ADGRV1: variants seen among roughly 807,000 people sequenced by gnomAD.
The protein encoded by ADGRV1 is adhesion G protein-coupled receptor V1, also known as G-protein coupled receptor 98.
ADGRV1 carries 359 observed loss-of-function variants against 596.2 expected under a neutral mutation model. The ratio of observed to expected loss-of-function variants is 0.60; its 90% CI spans 0.55 to 0.66. ADGRV1 has a LOEUF of 0.66. Ranked by LOEUF, ADGRV1 falls within the 30% of genes least tolerant of loss-of-function variation. ADGRV1 has a pLI of 0.00. For missense variants in ADGRV1, 7,274 were observed against 7,575.6 expected, an observed-to-expected ratio of 0.96 and a Z score of 1.48; for synonymous variants, 2,681 against 2,679.2, an observed-to-expected ratio of 1.00 and a Z score of -0.02.
At chr5:90,583,619 C>A (rs1758356971) in intron 1 of ADGRV1, among the ~76,000 whole-genome samples, 1 of 152,068 alleles carries the variant, frequency 6.6e-6, no homozygotes, top group African/African-American at 2.4e-5. Flanking sequence ...TTTTTCATTA[C>A]TTTTGTTCTG....
chr5:90,705,891 C>T (rs975054958), intron 37 of ADGRV1, among the ~76,000 whole-genome samples: 9 of 152,148 alleles, frequency 5.9e-5, no homozygotes, highest in East Asian at 3.9e-4. Flanking sequence ...CATTCTTCTC[C>T]GGGAACAAAT....
At chr5:90,774,970 C>T (rs1259650738) in intron 60 of ADGRV1, among the ~76,000 whole-genome samples, 4 of 152,124 alleles carry the variant, frequency 2.6e-5, no homozygotes, top group Admixed American at 6.6e-5. Context: ...AAAGTAGTTA[C>T]TCAAATATTT....
intron 86 of ADGRV1, among the ~76,000 whole-genome samples, chr5:91,090,211 G>C (rs921946465): frequency 1.3e-5 from 2 of 152,022 alleles, no homozygotes; most frequent in Admixed American, 1.3e-4. Flanking sequence ...AGATCTATTT[G>C]ATCCCCCCTC....
intron 83 of ADGRV1, among the ~76,000 whole-genome samples, chr5:90,892,661 C>T (rs1369368508): frequency 6.6e-6 from 1 of 152,096 alleles, no homozygotes. Context: ...ATCCTTCACC[C>T]CCACTCTTCT....
intron 50 of ADGRV1, among the ~76,000 whole-genome samples, chr5:90,739,369 C>T (rs552825089): frequency 6.6e-6 from 1 of 152,142 alleles, no homozygotes; most frequent in South Asian, 2.1e-4. Flanking sequence ...TAAAAAAAAT[C>T]CTTATGTTGG....
intron 1 of ADGRV1, 180 bp from the exon 2 acceptor site, chr5:90,614,655 C>T (rs749699058): frequency 2.1e-5 from 14 of 664,558 alleles, no homozygotes; most frequent in Admixed American, 1.2e-4. Context: ...AGAATAGAAT[C>T]GTGTTTTTTT....
chr5:91,102,386 G>A, intron 87 of ADGRV1, 46 bp downstream of exon 87: 3 of 1,505,094 alleles, frequency 2.0e-6, no homozygotes, highest in Non-Finnish European at 2.7e-6. Flanking sequence ...TTATCTTAAT[G>A]AACACAAGGC....
At chr5:90,664,904 G>T (rs1464083543) in intron 21 of ADGRV1, among the ~76,000 whole-genome samples, 2 of 151,264 alleles carry the variant, frequency 1.3e-5, no homozygotes, top group African/African-American at 4.9e-5. Context: ...CTGTTTATAT[G>T]CTGGATTACA....
At position 90,651,394 on chromosome 5, in the gene ADGRV1, TCTC is replaced by T. The variant is rs200314068; in HGVS notation, c.3290-209_3290-207del. On this transcript the variant is annotated intron_variant, in intron 17 of 89. Coordinates refer to ENST00000405460, the MANE Select transcript of ADGRV1 (RefSeq NM_032119.4). ...TTATGTAGGCATCTCTCTTTCTCTC[TCTC>T]TTTGTATGTATGTTTGTACTTATGT... is the stretch of plus-strand genomic sequence containing the variant. Among the ~76,000 whole-genome samples the T allele has an allele frequency of 5.9e-3, 891 of 152,282 alleles. 6 individuals carry two copies. Among genetic ancestry groups the T allele is most frequent in the Non-Finnish European group, 8.9e-3 (607 of 68,016 alleles).
chr5:91,121,711 T>C (rs577781158), intron 87 of ADGRV1, among the ~76,000 whole-genome samples: 11 of 152,184 alleles, frequency 7.2e-5, no homozygotes, highest in South Asian at 2.1e-4. Flanking sequence ...ATTTTTTTTT[T>C]CCCAGAGAGA....
chr5:91,135,967 G>A (rs1281469026), intron 87 of ADGRV1, among the ~76,000 whole-genome samples: 1 of 152,160 alleles, frequency 6.6e-6, no homozygotes, highest in Non-Finnish European at 1.5e-5. Context: ...AAGAGCAGCA[G>A]AGGGAACCAC....
chr5:90,661,219 G>A (rs903380296), intron 21 of ADGRV1, among the ~76,000 whole-genome samples: 9 of 152,124 alleles, frequency 5.9e-5, no homozygotes, highest in Admixed American at 5.2e-4. Flanking sequence ...TGTATACCAC[G>A]TAATTATAAA....
chr5:90,987,339 G>A (rs1381305664), intron 85 of ADGRV1, among the ~76,000 whole-genome samples: 2 of 151,886 alleles, frequency 1.3e-5, no homozygotes, highest in African/African-American at 4.8e-5. Context: ...GCGTGGTGGC[G>A]CATGCCTGTA....
intron 7 of ADGRV1, among the ~76,000 whole-genome samples, 178 bp from the exon 8 acceptor site, chr5:90,628,384 C>T (rs1765074858): frequency 6.6e-6 from 1 of 152,108 alleles, no homozygotes. Flanking sequence ...TGCACTTCAG[C>T]TTGGGCAACA....
chr5:91,142,071 G>A (rs1409525104), intron 87 of ADGRV1, among the ~76,000 whole-genome samples: 1 of 152,140 alleles, frequency 6.6e-6, no homozygotes, highest in Non-Finnish European at 1.5e-5. Flanking sequence ...AGACTAAGCT[G>A]AAACAAAAGT....
chr5:91,035,861 T>TATAATATATATATATATATATATATAATA, intron 85 of ADGRV1, among the ~76,000 whole-genome samples: 1 of 96,402 alleles, frequency 1.0e-5, no homozygotes, highest in African/African-American at 3.8e-5. Context: ...TATATATATA[T>TATAATATATATATATATATATATATAATA]TATATATATA....
At chr5:91,047,060 A>G (rs1369888666) in intron 85 of ADGRV1, among the ~76,000 whole-genome samples, 1 of 152,056 alleles carries the variant, frequency 6.6e-6, no homozygotes, top group African/African-American at 2.4e-5. Context: ...CTTCTAAACT[A>G]CTGGTGGGAA....
intron 84 of ADGRV1, among the ~76,000 whole-genome samples, chr5:90,979,096 G>C (rs573577637): frequency 2.1e-4 from 32 of 150,930 alleles, no homozygotes; most frequent in Admixed American, 1.3e-3. Flanking sequence ...CATTTAAAGT[G>C]AGTGGTGAAA....
intron 85 of ADGRV1, among the ~76,000 whole-genome samples, chr5:91,071,437 C>G (rs1788382116): frequency 6.6e-6 from 1 of 152,020 alleles, no homozygotes. Flanking sequence ...ATGACTAGAT[C>G]AGTGGTTCCC....
Sources: allele counts gnomAD v4.1 joint callset (sites outside exome capture counted in the v4.1 genomes callset), GRCh38; gene constraint gnomAD v4.1.1; transcripts MANE v1.5; gene names NCBI Gene and HGNC (gene_info 2026-07-23, HGNC 2026-07-21).